The following ACACB variants were observed in gnomAD, a reference collection of about 807,000 sequenced individuals.
ACACB encodes acetyl-CoA carboxylase beta, also known as acetyl-CoA carboxylase 2.
In ACACB, 209 loss-of-function variants were observed where a neutral mutation model predicts 278.8. That is an observed-to-expected ratio of 0.75 (90% CI 0.67 to 0.84). The LOEUF is 0.84. Among genes scored for constraint, ACACB ranks in the 40% least tolerant of loss-of-function variants. ACACB has a pLI of 0.00. For missense variants in ACACB, 2,850 were observed against 3,269.0 expected, an observed-to-expected ratio of 0.87 and a Z score of 3.13; for synonymous variants, 1,174 against 1,285.6, an observed-to-expected ratio of 0.91 and a Z score of 1.86.
intron 27 of ACACB, among the ~76,000 whole-genome samples, chr12:109,226,984 T>A (rs1158966467): frequency 3.3e-5 from 5 of 151,926 alleles, no homozygotes; most frequent in African/African-American, 1.2e-4. Context: ...AGGATTTTTC[T>A]CTGTTGCCCA....
intron 51 of ACACB, 36 bp from the exon 52 acceptor site, chr12:109,265,353 G>A: frequency 6.2e-7 from 1 of 1,611,542 alleles, no homozygotes; most frequent in Non-Finnish European, 8.5e-7. Flanking sequence ...CCCACAGCTG[G>A]GTCCCTCTCT....
rs977724184 is a variant in ACACB at position 109,250,119 on chromosome 12, A to G, written c.5790+15A>G. 12 of 1,569,778 alleles carry G rather than the reference A, an allele frequency of 7.6e-6. No individual in the cohort carries two copies. The highest frequency in any genetic ancestry group is 7.7e-6 in the Non-Finnish European group (9 of 1,163,332). On this transcript the variant is annotated intron_variant, in intron 41 of 52. Coordinates refer to ENST00000338432, the MANE Select transcript of ACACB (RefSeq NM_001093.4). The stretch of plus-strand genomic sequence containing the variant: ...CCATTAGCTTGGTGAGTCTTCTTCT[A>G]TTTTCTCTTACTTTTCAACTTTCCA...
At chr12:109,167,608 A>AT (rs1260940371) in intron 3 of ACACB, among the ~76,000 whole-genome samples, 7 of 93,054 alleles carry the variant, frequency 7.5e-5, no homozygotes, top group Admixed American at 1.1e-4. Context: ...CAAAAAAAAA[A>AT]ATATATGTAT....
chr12:109,239,709 A>AAAG (rs2046738664), intron 34 of ACACB, 121 bp from the exon 35 acceptor site: 1 of 1,211,092 alleles, frequency 8.3e-7, no homozygotes, highest in African/African-American at 1.5e-5. Context: ...TGCCTGGCAC[A>AAAG]CTTTTTGGAG....
chr12:109,123,665 C>G (rs914807731), intron 1 of ACACB, among the ~76,000 whole-genome samples: 1 of 149,752 alleles, frequency 6.7e-6, no homozygotes, highest in African/African-American at 2.4e-5. Context: ...TACACTCCAG[C>G]CTGGGTGACA....
At chr12:109,240,120 G>A (rs1209993270) in intron 35 of ACACB, 135 bp downstream of exon 35, 3 of 1,059,492 alleles carry the variant, frequency 2.8e-6, no homozygotes, top group Non-Finnish European at 4.0e-6. Flanking sequence ...CTCAGTTGCT[G>A]CGGGAGGAGA....
intron 46 of ACACB, 94 bp from the exon 47 acceptor site, chr12:109,258,879 C>G (rs942701408): frequency 3.0e-5 from 45 of 1,497,986 alleles, no homozygotes; most frequent in Non-Finnish European, 4.0e-5. Flanking sequence ...CAGATCAGAT[C>G]GCCTGCCATC....
rs569441059 is a variant in ACACB at position 109,191,544 on chromosome 12, C to T, written c.2145-69C>T. ...TGTGCTTTTCCAGTTCTCTGAATCA[C>T]ATCATTGCAGCAACTCTGTTGATGT... On this transcript the variant is annotated intron_variant, in intron 13 of 52. Coordinates refer to ENST00000338432, the MANE Select transcript of ACACB (RefSeq NM_001093.4). The T allele has an allele frequency of 4.5e-5, 72 of 1,584,666 alleles. No homozygotes were observed. In the African/African-American group the frequency reaches 8.7e-4, roughly 19 times the overall value.
At chr12:109,172,052 GAA>G in intron 5 of ACACB, 138 bp downstream of exon 5, 1 of 817,786 alleles carries the variant, frequency 1.2e-6, no homozygotes, top group South Asian at 1.7e-5. Context: ...ATGTAACACA[GAA>G]AAGAGTGTTC....
At chr12:109,207,833 C>T (rs1323127540) in intron 20 of ACACB, among the ~76,000 whole-genome samples, 2 of 152,174 alleles carry the variant, frequency 1.3e-5, no homozygotes, top group Non-Finnish European at 2.9e-5. Context: ...CGTGTGCCAC[C>T]ATACCCAGCT....
intron 33 of ACACB, 75 bp downstream of exon 33, chr12:109,235,722 G>A (rs2046614467): frequency 1.4e-6 from 2 of 1,380,698 alleles, no homozygotes; most frequent in Non-Finnish European, 2.0e-6. Flanking sequence ...ATGGGGCCGG[G>A]TGTGGTGGCT....
chr12:109,245,271 A>G (rs1414552143), intron 37 of ACACB, among the ~76,000 whole-genome samples: 1 of 152,140 alleles, frequency 6.6e-6, no homozygotes, highest in Non-Finnish European at 1.5e-5. Context: ...TTTCCAATGT[A>G]TGCATACAGG....
intron 29 of ACACB, 129 bp downstream of exon 29, chr12:109,232,935 A>G: frequency 9.0e-7 from 1 of 1,116,114 alleles, no homozygotes; most frequent in Non-Finnish European, 1.3e-6. Context: ...CATGTCAATA[A>G]CAACAGAATA....
rs754754767 is a variant in ACACB at position 109,197,054 on chromosome 12, G to A, written c.2528G>A (p.Cys843Tyr). Residue 843 changes from cysteine to tyrosine, a missense_variant, in exon 17 of 53, where the codon TGC (cysteine) becomes TAC (tyrosine). This residue lies in a region of ACACB where 2,265 missense variants were observed against 2,561.3 expected (regional missense o/e 0.88). Coordinates refer to ENST00000338432, the MANE Select transcript of ACACB (RefSeq NM_001093.4). ...ATGTTCGTTCTCATCATGAATGGCTGCCACATCGAGATTGATGCCCACCGG... is the reference window on the plus strand; with the variant it reads ...ATGTTCGTTCTCATCATGAATGGCTACCACATCGAGATTGATGCCCACCGG... ...LTMFVLIMNG[C>Y]HIEIDAHRLN... 14 of 1,591,976 alleles carry A rather than the reference G, an allele frequency of 8.8e-6. No homozygotes were observed. Among genetic ancestry groups the A allele is most frequent in the Middle Eastern group, 1.7e-4 (1 of 5,954 alleles).
At chr12:109,238,566 T>G (rs959843122) in intron 34 of ACACB, among the ~76,000 whole-genome samples, 37 of 146,146 alleles carry the variant, frequency 2.5e-4, no homozygotes, top group African/African-American at 9.2e-4. Context: ...AATTATTATA[T>G]ATATATATTT....
intron 28 of ACACB, among the ~76,000 whole-genome samples, chr12:109,228,658 CA>C (rs887136316): frequency 0.024 from 1,776 of 72,562 alleles, 32 homozygotes; most frequent in African/African-American, 0.073. Context: ...AACTCTGTCT[CA>C]AAAAAAAAAA....
chr12:109,169,007 T>C (rs1236249144), intron 4 of ACACB, among the ~76,000 whole-genome samples: 1 of 151,912 alleles, frequency 6.6e-6, no homozygotes, highest in Non-Finnish European at 1.5e-5. Context: ...TTGCCGGGCA[T>C]GGTGGCAGGT....
chr12:109,149,301 G>C (rs891176649), intron 2 of ACACB, among the ~76,000 whole-genome samples: 1 of 152,156 alleles, frequency 6.6e-6, no homozygotes, highest in African/African-American at 2.4e-5. Flanking sequence ...AGTCGTATGA[G>C]CTTGAGGACA....
At chr12:109,167,121 C>G in intron 3 of ACACB, 128 bp downstream of exon 3, 5 of 1,214,310 alleles carry the variant, frequency 4.1e-6, no homozygotes, top group Non-Finnish European at 5.8e-6. Context: ...GAGGGCCACG[C>G]TCCTCTGAGT....
Sources: gnomAD v4.1 joint callset for allele counts (sites outside exome capture counted in the v4.1 genomes callset) on GRCh38, gnomAD v4.1.1 for gene constraint, gnomAD v4.1.1 regional missense constraint, MANE v1.5 for transcripts, NCBI Gene and HGNC (gene_info 2026-07-23, HGNC 2026-07-21) for gene names.